SPAG9: variants seen among roughly 807,000 people sequenced by gnomAD.
SPAG9 encodes sperm associated antigen 9, also known as C-Jun-amino-terminal kinase-interacting protein 4.
A neutral mutation model predicts 166.5 loss-of-function variants in SPAG9; 35 were observed. The ratio of observed to expected loss-of-function variants is 0.21; its 90% CI spans 0.16 to 0.28. SPAG9 has a LOEUF of 0.28. Among genes scored for constraint, SPAG9 ranks in the 10% least tolerant of loss-of-function variants. The pLI is 1.00. For missense variants in SPAG9, 1,235 were observed against 1,603.3 expected (o/e 0.77, Z 3.92); for synonymous variants, 534 against 565.5 (o/e 0.94, Z 0.79).
At chr17:50,998,729 G>A (rs2044790878) in intron 14 of SPAG9, 112 bp from the exon 15 acceptor site, 2 of 1,044,676 alleles carry the variant, frequency 1.9e-6, no homozygotes, top group Admixed American at 2.5e-5. Context: ...AAGGCAATGA[G>A]TTAGAAATTG....
intron 5 of SPAG9, among the ~76,000 whole-genome samples, chr17:51,038,171 T>C (rs1030581474): frequency 6.6e-6 from 1 of 152,046 alleles, no homozygotes; most frequent in African/African-American, 2.4e-5. Context: ...GAGGAAACTA[T>C]AAAGAAAAGC....
At chr17:51,003,657 T>C (rs191972693) in intron 12 of SPAG9, among the ~76,000 whole-genome samples, 5 of 152,314 alleles carry the variant, frequency 3.3e-5, no homozygotes, top group Admixed American at 6.5e-5. Context: ...CAACGTCCTA[T>C]AGGCTTTCAT....
intron 3 of SPAG9, among the ~76,000 whole-genome samples, chr17:51,053,851 AAAAG>A (rs1159764547): frequency 6.6e-4 from 43 of 65,416 alleles, no homozygotes; most frequent in East Asian, 2.8e-3. Context: ...AAAAAAAAAA[AAAAG>A]TATATATATA....
At chr17:50,985,846 A>T in intron 22 of SPAG9, 68 bp from the exon 23 acceptor site, 1 of 856,436 alleles carries the variant, frequency 1.2e-6, no homozygotes, top group Non-Finnish European at 1.8e-6. Flanking sequence ...TCTAACAATG[A>T]TCGCGAAGTT....
chr17:51,071,337 A>G (rs1199534564), intron 2 of SPAG9, among the ~76,000 whole-genome samples: 1 of 152,060 alleles, frequency 6.6e-6, no homozygotes, highest in Non-Finnish European at 1.5e-5. Context: ...AGTTGATTAC[A>G]CTCCTTACAC....
chr17:51,079,108 A>C (rs2048093927), intron 2 of SPAG9, among the ~76,000 whole-genome samples: 2 of 152,200 alleles, frequency 1.3e-5, no homozygotes, highest in Non-Finnish European at 2.9e-5. Flanking sequence ...TGAAAATGTG[A>C]ATAAAAAAGA....
At chr17:51,096,100 C>T (rs2048641011) in intron 1 of SPAG9, among the ~76,000 whole-genome samples, 1 of 143,662 alleles carries the variant, frequency 7.0e-6, no homozygotes, top group Non-Finnish European at 1.5e-5. Context: ...AATCCCAGAA[C>T]TTTGGGAGGC....
At chr17:50,966,476 G>A in intron 29 of SPAG9, 89 bp from the exon 30 acceptor site, 1 of 840,994 alleles carries the variant, frequency 1.2e-6, no homozygotes, top group Non-Finnish European at 2.0e-6. Flanking sequence ...GTTAGTCCAT[G>A]AACAAGATGC....
intron 1 of SPAG9, among the ~76,000 whole-genome samples, chr17:51,101,766 G>A (rs1349069315): frequency 1.3e-5 from 2 of 152,048 alleles, no homozygotes; most frequent in Non-Finnish European, 2.9e-5. Context: ...TGGGATTATA[G>A]GCACCCGCCA....
chr17:50,985,093 T>C lies in SPAG9; in HGVS notation c.3021-103A>G, dbSNP rs1359708749. 3 of 907,686 alleles carry C rather than the reference T, an allele frequency of 3.3e-6. No individual in the cohort carries two copies. In the East Asian group the frequency reaches 7.2e-5, roughly 22 times the overall value. The allele number at this position is 907,686 out of a possible 1,614,324, so 56.2% of individuals were successfully genotyped here. ...GGCCTCACAAAGGGCCAATCTGTGATGAGTTAAGGAGCTGACACCTGAATA... is the reference window on the plus strand; with the variant it reads ...GGCCTCACAAAGGGCCAATCTGTGACGAGTTAAGGAGCTGACACCTGAATA... On this transcript the variant is annotated intron_variant, in intron 23 of 29. Coordinates refer to ENST00000262013, the MANE Select transcript of SPAG9 (RefSeq NM_001130528.3).
intron 21 of SPAG9, among the ~76,000 whole-genome samples, chr17:50,987,597 C>T (rs1394728913): frequency 6.7e-6 from 1 of 150,146 alleles, no homozygotes; most frequent in Non-Finnish European, 1.5e-5. Context: ...AACAATTGTA[C>T]CAGAAATAAC....
rs1299794175 is a variant in SPAG9 at position 50,974,626 on chromosome 17, A to C, written c.3700+145T>G. 5.0e-6 allele frequency: 3 copies of C among 597,748 alleles called. No homozygotes were observed. The African/African-American group carries it at 5.8e-5, about 12-fold the overall frequency. The allele number at this position is 597,748 out of a possible 1,614,324, so 37.0% of individuals were successfully genotyped here. On this transcript the variant is annotated intron_variant, in intron 28 of 29. Coordinates refer to ENST00000262013, the MANE Select transcript of SPAG9 (RefSeq NM_001130528.3). ...CAAGTATCCCTATAGCACCTTAGTC[A>C]CACCTCCATTACAGAACTTCCTTCG...
intron 4 of SPAG9, chr17:51,046,550 AG>A: frequency 6.5e-7 from 1 of 1,536,248 alleles, no homozygotes; most frequent in Non-Finnish European, 8.7e-7. Flanking sequence ...CGGTAGAAAT[AG>A]AAAAGTGCAC....
intron 8 of SPAG9, chr17:51,016,328 T>C (rs997783454): frequency 9.2e-5 from 14 of 152,052 alleles, no homozygotes; most frequent in African/African-American, 3.4e-4. Flanking sequence ...AAACAAAAGA[T>C]ACAACAGAGG....
At chr17:51,028,822 C>T (rs536140547) in intron 6 of SPAG9, among the ~76,000 whole-genome samples, 1 of 152,290 alleles carries the variant, frequency 6.6e-6, no homozygotes, top group East Asian at 1.9e-4. Context: ...CAATCTGTGG[C>T]TTCTTGACAC....
intron 5 of SPAG9, among the ~76,000 whole-genome samples, chr17:51,037,324 A>T (rs2046626959): frequency 1.3e-5 from 2 of 152,008 alleles, no homozygotes; most frequent in South Asian, 2.1e-4. Flanking sequence ...AATAAATTTT[A>T]AAAATACATA....
At chr17:51,099,081 C>T (rs1358442378) in intron 1 of SPAG9, among the ~76,000 whole-genome samples, 2 of 119,366 alleles carry the variant, frequency 1.7e-5, no homozygotes, top group African/African-American at 3.4e-5. Context: ...GGCTGGGTGA[C>T]AGAGCGAGAC....
intron 28 of SPAG9, among the ~76,000 whole-genome samples, chr17:50,971,459 CTTTTTTTTTT>C (rs71353691): frequency 5.6e-5 from 5 of 89,872 alleles, no homozygotes; most frequent in Admixed American, 1.4e-4. Context: ...TTCAAACTAC[CTTTTTTTTTT>C]TTTTTTTTTT....
rs1350218828 is a variant in SPAG9, at chr17:50,999,754, G to A, written c.1608-37C>T. 3 of 1,566,218 alleles carry A rather than the reference G, an allele frequency of 1.9e-6. No individual in the cohort carries two copies. The African/African-American group carries it at 4.1e-5, about 21-fold the overall frequency. On this transcript the variant is annotated intron_variant, in intron 13 of 29. Coordinates refer to ENST00000262013, the MANE Select transcript of SPAG9 (RefSeq NM_001130528.3). ...AAGAAAAGAAAAGAAACATTTATCA[G>A]TGAGGTATTCTACCTTTCTTTCTGA...
Sources: gnomAD v4.1 joint callset for allele counts (sites outside exome capture counted in the v4.1 genomes callset) on GRCh38, gnomAD v4.1.1 for gene constraint, MANE v1.5 for transcripts, NCBI Gene and HGNC (gene_info 2026-07-23, HGNC 2026-07-21) for gene names.